The following HAUS6 variants were observed in gnomAD, a reference collection of about 807,000 sequenced individuals.
HAUS6 encodes the protein HAUS augmin like complex subunit 6, also known as HAUS augmin-like complex subunit 6.
A neutral mutation model predicts 106.8 loss-of-function variants in HAUS6; 80 were observed. The ratio of observed to expected loss-of-function variants is 0.75; its 90% CI spans 0.63 to 0.90. The LOEUF (loss-of-function observed/expected upper bound fraction) is 0.90, where lower values mean the gene tolerates loss of function less well. Among genes scored for constraint, HAUS6 ranks in the 40% least tolerant of loss-of-function variants. The pLI, the probability that HAUS6 is intolerant of heterozygous loss-of-function variation, is 0.00. For missense variants in HAUS6, 1,155 were observed against 1,118.1 expected, an observed-to-expected ratio of 1.03 and a Z score of -0.47; for synonymous variants, 356 against 379.1, an observed-to-expected ratio of 0.94 and a Z score of 0.71.
intron 8 of HAUS6, among the ~76,000 whole-genome samples, chr9:19,081,297 T>C (rs950847374): frequency 6.6e-6 from 1 of 152,126 alleles, no homozygotes; most frequent in African/African-American, 2.4e-5. Context: ...GCAGGTTTAG[T>C]GAAAAGACCA....
intron 11 of HAUS6, among the ~76,000 whole-genome samples, chr9:19,071,573 C>T (rs76532318): frequency 8.5e-4 from 93 of 109,372 alleles, no homozygotes; most frequent in African/African-American, 2.8e-3. Context: ...AAAATATTTT[C>T]TTTTTTTTTT....
chr9:19,094,829 T>C (rs558394056), intron 2 of HAUS6, among the ~76,000 whole-genome samples: 1 of 152,210 alleles, frequency 6.6e-6, no homozygotes, highest in African/African-American at 2.4e-5. Context: ...CTAACCTTCT[T>C]AGATAACAGC....
intron 4 of HAUS6, among the ~76,000 whole-genome samples, chr9:19,092,237 G>C (rs1191470943): frequency 2.0e-5 from 3 of 151,760 alleles, no homozygotes; most frequent in African/African-American, 7.3e-5. Context: ...CAGGAAGACT[G>C]CCTGAGCACA....
chr9:19,078,286 C>G lies in HAUS6; in HGVS notation c.1081G>C (p.Asp361His). Residue 361 changes from aspartate to histidine, a missense_variant, in exon 10 of 17, where the codon GAT becomes CAT. Physicochemically the swap from Asp to His is moderately conservative, Grantham distance 81. Around this residue, in one of 3 missense-constraint regions of HAUS6, gnomAD observed 761 missense variants for 690.0 expected, o/e 1.10. Transcript: ENST00000380502. ...LKHMRYRIKD[D>H]LTTIRHSVVE... is the part of the protein sequence containing the mutation. The stretch of plus-strand genomic sequence containing the variant: ...ACAGAATGTCTTATAGTTGTGAGAT[C>G]ATCTTTTATTCTATACCTATAATAG... 6.7e-7 allele frequency: 1 copy of G among 1,491,254 alleles called. No homozygotes were observed. The highest frequency in any genetic ancestry group is 9.3e-7 in the Non-Finnish European group (1 of 1,070,002). 92.4% of individuals were successfully genotyped at this position (1,491,254 alleles called of 1,614,324 possible).
At chr9:19,086,480 C>T (rs1211980117) in intron 7 of HAUS6, among the ~76,000 whole-genome samples, 2 of 151,944 alleles carry the variant, frequency 1.3e-5, no homozygotes, top group Non-Finnish European at 2.9e-5. Context: ...ATTAGCCAGG[C>T]GTGGTGGCGC....
At chr9:19,073,463 A>C (rs1836921783) in intron 11 of HAUS6, among the ~76,000 whole-genome samples, 1 of 151,822 alleles carries the variant, frequency 6.6e-6, no homozygotes, top group Admixed American at 6.6e-5. Context: ...TTCCAACTGG[A>C]CTTCCTAAAC....
chr9:19,059,694 C>T (rs1359818286), intron 15 of HAUS6, among the ~76,000 whole-genome samples: 1 of 152,164 alleles, frequency 6.6e-6, no homozygotes, highest in African/African-American at 2.4e-5. Flanking sequence ...TAAAGACCTC[C>T]GCACACATGG....
chr9:19,086,771 T>C lies in HAUS6; in HGVS notation c.662A>G (p.Tyr221Cys), dbSNP rs141382710. 1,039 of 1,192,298 alleles carry C rather than the reference T, an allele frequency of 8.7e-4. 4 individuals are homozygous for C. In the African/African-American group the frequency reaches 0.014, roughly 16 times the overall value. The allele number at this position is 1,192,298 out of a possible 1,614,324, so 73.9% of individuals were successfully genotyped here. ...LENQIKKMEP[Y>C]DDHSNMEEKI... ...TTCTTCCATATTACTGTGGTCATCATAGGGTTCCATTCTAATAAAAATTAA... is the reference window on the plus strand; with the variant it reads ...TTCTTCCATATTACTGTGGTCATCACAGGGTTCCATTCTAATAAAAATTAA... The change falls in exon 7 of 17, where the codon TAT (tyrosine) becomes TGT (cysteine). Residue 221 changes from tyrosine to cysteine, a missense_variant. Around this residue, in one of 3 missense-constraint regions of HAUS6, gnomAD observed 761 missense variants for 690.0 expected, o/e 1.10. Coordinates refer to ENST00000380502, the MANE Select transcript of HAUS6 (RefSeq NM_017645.5).
intron 10 of HAUS6, among the ~76,000 whole-genome samples, chr9:19,077,928 G>A (rs1837046411): frequency 6.6e-6 from 1 of 152,078 alleles, no homozygotes; most frequent in Non-Finnish European, 1.5e-5. Context: ...AGGCTTGGTG[G>A]TGCAAACCTG....
chr9:19,089,794 T>C (rs1817706060), intron 4 of HAUS6: 3 of 509,428 alleles, frequency 5.9e-6, no homozygotes, highest in Non-Finnish European at 6.9e-6. Flanking sequence ...CAAAAGCTAG[T>C]ATACCACAAA....
At chr9:19,075,914 G>A (rs189392890) in intron 11 of HAUS6, among the ~76,000 whole-genome samples, 3 of 151,448 alleles carry the variant, frequency 2.0e-5, no homozygotes, top group African/African-American at 7.3e-5. Flanking sequence ...AGCTGAGATT[G>A]CGCCACTGCA....
chr9:19,099,976 A>C (rs1817952729), intron 1 of HAUS6, among the ~76,000 whole-genome samples: 1 of 152,196 alleles, frequency 6.6e-6, no homozygotes, highest in Admixed American at 6.5e-5. Context: ...GGTGGATCAC[A>C]AGGTCAGGAA....
At chr9:19,080,937 T>C (rs1284635775) in intron 8 of HAUS6, among the ~76,000 whole-genome samples, 3 of 152,022 alleles carry the variant, frequency 2.0e-5, no homozygotes, top group African/African-American at 7.2e-5. Context: ...CTGGGCGTGG[T>C]GGCACATGCC....
chr9:19,066,869 T>G (rs1352479262), intron 12 of HAUS6, among the ~76,000 whole-genome samples: 2 of 150,862 alleles, frequency 1.3e-5, no homozygotes, highest in African/African-American at 4.9e-5. Context: ...TAGCTGGGTG[T>G]GGAGGTGCAT....
intron 14 of HAUS6, among the ~76,000 whole-genome samples, chr9:19,061,992 C>T (rs1181067089): frequency 6.6e-6 from 1 of 152,188 alleles, no homozygotes; most frequent in Non-Finnish European, 1.5e-5. Context: ...AAAAGTAACA[C>T]TGATTTTCTG....
intron 6 of HAUS6, 41 bp from the exon 7 acceptor site, chr9:19,086,823 C>A: frequency 2.4e-6 from 2 of 834,464 alleles, no homozygotes; most frequent in South Asian, 1.5e-5. Context: ...TATTAAAAAT[C>A]ACATGGTAAT....
At chr9:19,066,579 C>A (rs1016063449) in intron 12 of HAUS6, among the ~76,000 whole-genome samples, 7 of 141,748 alleles carry the variant, frequency 4.9e-5, no homozygotes, top group African/African-American at 9.9e-5. Context: ...GAACTCCCCC[C>A]CACACACACA....
In HAUS6 at chr9:19,055,573, A is replaced by G. The variant is rs1836451970; in HGVS notation, c.*770T>C. On this transcript the variant is annotated 3_prime_UTR_variant, in exon 17 of 17. Coordinates refer to ENST00000380502, the MANE Select transcript of HAUS6 (RefSeq NM_017645.5). Reference sequence around the variant, plus strand: ...TAATTTATATTTTTGTTAAAATATAAAAGTAGCATTAAATTATCAAAGTCT... The same window carrying G: ...TAATTTATATTTTTGTTAAAATATAGAAGTAGCATTAAATTATCAAAGTCT... 1 of 152,258 alleles carries G rather than the reference A, an allele frequency of 6.6e-6. No individual in the cohort carries two copies. The highest frequency in any genetic ancestry group is 1.5e-5 in the Non-Finnish European group (1 of 68,044). The allele number at this position is 152,258 out of a possible 1,614,324, so 9.4% of individuals were successfully genotyped here. A position where few individuals can be genotyped will look rare whatever the true frequency, so the allele number is the denominator to read the frequency against.
intron 11 of HAUS6, among the ~76,000 whole-genome samples, chr9:19,071,592 T>TTG (rs1836882577): frequency 1.8e-5 from 2 of 110,484 alleles, no homozygotes; most frequent in Admixed American, 1.8e-4. Flanking sequence ...TTTTTTTTTT[T>TTG]GAGACAGGGT....
Sources: gnomAD v4.1 joint callset for allele counts (sites outside exome capture counted in the v4.1 genomes callset) on GRCh38, gnomAD v4.1.1 for gene constraint, gnomAD v4.1.1 regional missense constraint, MANE v1.5 for transcripts, NCBI Gene and HGNC (gene_info 2026-07-23, HGNC 2026-07-21) for gene names.